PRKCE: variants seen among roughly 807,000 people sequenced by gnomAD.
PRKCE encodes the protein protein kinase C epsilon type.
PRKCE carries 16 observed loss-of-function variants against 85.4 expected under a neutral mutation model. That is an observed-to-expected ratio of 0.19 (90% CI 0.13 to 0.28). PRKCE has a LOEUF of 0.28. PRKCE is among the 10% of genes least tolerant of loss of function. The pLI is 1.00. For synonymous variants in PRKCE, 388 were observed against 371.5 expected, an observed-to-expected ratio of 1.04 and a Z score of -0.51; for missense variants, 573 against 975.2, an observed-to-expected ratio of 0.59 and a Z score of 5.49.
chr2:45,752,060 G>A lies in PRKCE; in HGVS notation c.349-90940G>A, dbSNP rs192366503. ...TCTCGATCTGCTGACCTCGTGATCC[G>A]CCCGCCTCGGCCTTCCAAAGTGCTG... On this transcript the variant is annotated intron_variant, in intron 1 of 14. Coordinates refer to ENST00000306156, the MANE Select transcript of PRKCE (RefSeq NM_005400.3). 6.5e-3 allele frequency among the ~76,000 whole-genome samples: 975 copies of A among 150,944 alleles called. 12 individuals carry two copies. Among genetic ancestry groups the A allele is most frequent in the African/African-American group, 0.022 (893 of 40,948 alleles).
At chr2:46,042,159 T>G (rs573157525) in intron 10 of PRKCE, among the ~76,000 whole-genome samples, 2 of 152,286 alleles carry the variant, frequency 1.3e-5, no homozygotes, top group South Asian at 4.1e-4. Flanking sequence ...TAGCAGTTTG[T>G]TAGGGAGCAG....
intron 11 of PRKCE, among the ~76,000 whole-genome samples, chr2:46,100,632 G>A (rs900735630): frequency 6.6e-6 from 1 of 152,146 alleles, no homozygotes; most frequent in Non-Finnish European, 1.5e-5. Context: ...ATCAGAAGGG[G>A]GTTTCTTTCT....
In PRKCE at chr2:46,184,432, CAA is replaced by C. The variant is rs773612511; in HGVS notation, c.2068-301_2068-300del. Among the ~76,000 whole-genome samples, 12 of 108,300 alleles carry C rather than the reference CAA, an allele frequency of 1.1e-4. 1 individual carries two copies. The East Asian group carries it at 3.0e-3, about 27-fold the overall frequency. The allele number at this position is 108,300 out of a possible 152,430, so 71.0% of individuals were successfully genotyped here. A position where few individuals can be genotyped will look rare whatever the true frequency, so the allele number is the denominator to read the frequency against. On this transcript the variant is annotated intron_variant, in intron 14 of 14. Coordinates refer to ENST00000306156, the MANE Select transcript of PRKCE (RefSeq NM_005400.3). The surrounding 1 kb of genome is among the most constrained non-coding windows in gnomAD (Gnocchi z 5.0). ...ATGGGACCTTTGCATCATACACACA[CAA>C]ACACACACACACACACACACACACA...
In PRKCE at chr2:45,942,934, C is replaced by T. The variant is rs1484393972; in HGVS notation, c.413-33495C>T. Among the ~76,000 whole-genome samples, 3 of 152,260 alleles carry T rather than the reference C, an allele frequency of 2.0e-5. No individual in the cohort carries two copies. The South Asian group carries it at 6.2e-4, about 32-fold the overall frequency. On this transcript the variant is annotated intron_variant, in intron 2 of 14. Coordinates refer to ENST00000306156, the MANE Select transcript of PRKCE (RefSeq NM_005400.3). ...AAAGTATAAAAGAAAAGTTGTCCCC[C>T]CAACCTCTTATTCTCCACTCCCCAG...
Position 45,958,190 on chromosome 2 carries a change from CA to C in PRKCE, c.413-18216del, listed in dbSNP as rs60711691. Among the ~76,000 whole-genome samples, 677 of 109,992 alleles carry C rather than the reference CA, an allele frequency of 6.2e-3. 5 individuals carry two copies. The highest frequency in any genetic ancestry group is 0.024 in the East Asian group (87 of 3,650). 72.2% of individuals were successfully genotyped at this position (109,992 alleles called of 152,430 possible). A position where few individuals can be genotyped will look rare whatever the true frequency, so the allele number is the denominator to read the frequency against. ...TAATAAACCTAATCTATTAGGCCCG[CA>C]AAAAAAAAAAAAAAAAAAAAAAGAA... On this transcript the variant is annotated intron_variant, in intron 2 of 14. Coordinates refer to ENST00000306156, the MANE Select transcript of PRKCE (RefSeq NM_005400.3).
At position 46,160,974 on chromosome 2, in the gene PRKCE, G is replaced by C. The variant is rs141815792; in HGVS notation, c.2067+1222G>C. On this transcript the variant is annotated intron_variant, in intron 14 of 14. Coordinates refer to ENST00000306156, the MANE Select transcript of PRKCE (RefSeq NM_005400.3). ...TTGGTCCCGTTACCACTCCTCATTC[G>C]CTTCCTCCTTTGGTTTTCATGTTTT... 4.6e-3 allele frequency among the ~76,000 whole-genome samples: 694 copies of C among 152,298 alleles called. 1 individual carries two copies. The highest frequency in any genetic ancestry group is 7.9e-3 in the Non-Finnish European group (540 of 68,030).
chr2:46,063,049 TTTA>T (rs775985586), intron 10 of PRKCE, among the ~76,000 whole-genome samples: 4 of 152,240 alleles, frequency 2.6e-5, no homozygotes, highest in Non-Finnish European at 4.4e-5. Flanking sequence ...AGCTGATCAT[TTTA>T]TTCTCCATCT....
chr2:46,012,994 A>T (rs764468164), intron 10 of PRKCE, among the ~76,000 whole-genome samples: 2 of 152,188 alleles, frequency 1.3e-5, no homozygotes, highest in Admixed American at 6.5e-5. Flanking sequence ...GGCCACTGTC[A>T]GGCAGCCACA....
At chr2:46,117,487 G>A (rs17034553) in intron 11 of PRKCE, among the ~76,000 whole-genome samples, 3,742 of 152,196 alleles carry the variant, frequency 0.025, 140 homozygotes, top group African/African-American at 0.085. Context: ...TCTACATGAG[G>A]TCCAGAAATC....
At position 45,895,898 on chromosome 2, in the gene PRKCE, G is replaced by A. The variant is rs998549744; in HGVS notation, c.412+52835G>A. ...CAGGCAAGGGGCTCCCAGAGGAGTT[G>A]GTGTCTGGGCTGTGGCTGAAGTTCA... On this transcript the variant is annotated intron_variant, in intron 2 of 14. Transcript: ENST00000306156. The surrounding 1 kb of genome is among the most constrained non-coding windows in gnomAD (Gnocchi z 4.8). Among the ~76,000 whole-genome samples the A allele has an allele frequency of 1.3e-5, 2 of 152,170 alleles. No individual in the cohort carries two copies. Among genetic ancestry groups the A allele is most frequent in the Non-Finnish European group, 1.5e-5 (1 of 68,030 alleles).
At position 45,961,511 on chromosome 2, in the gene PRKCE, G is replaced by A. The variant is rs868147573; in HGVS notation, c.413-14918G>A. Among the ~76,000 whole-genome samples the A allele has an allele frequency of 2.2e-4, 34 of 152,286 alleles. No homozygotes were observed. In the Middle Eastern group the frequency reaches 0.014, roughly 61 times the overall value. On this transcript the variant is annotated intron_variant, in intron 2 of 14. Coordinates refer to ENST00000306156, the MANE Select transcript of PRKCE (RefSeq NM_005400.3). The stretch of plus-strand genomic sequence containing the variant: ...CTTGTTATTTGTTTGAGGGGGGAAT[G>A]TCCCATTTCACTTGGCACATTTCAC...
chr2:45,738,998 G>C (rs1682321976), intron 1 of PRKCE, among the ~76,000 whole-genome samples: 1 of 152,222 alleles, frequency 6.6e-6, no homozygotes, highest in African/African-American at 2.4e-5. Context: ...TGGAAGCAAA[G>C]TGGGATGACA....
intron 10 of PRKCE, among the ~76,000 whole-genome samples, chr2:46,059,035 C>T (rs868571362): frequency 6.6e-6 from 1 of 152,190 alleles, no homozygotes; most frequent in African/African-American, 2.4e-5. Context: ...AAAGATCATT[C>T]AGGCTGGTTG....
rs915550255 is a variant in PRKCE, at chr2:45,886,270, A to G, written c.412+43207A>G. Reference sequence around the variant, plus strand: ...CATTTCCTCTCTGTCAACTGTCCCAATTCCTAACCCACTCCCACTCTGAGC... The same window carrying G: ...CATTTCCTCTCTGTCAACTGTCCCAGTTCCTAACCCACTCCCACTCTGAGC... On this transcript the variant is annotated intron_variant, in intron 2 of 14. Coordinates refer to ENST00000306156, the MANE Select transcript of PRKCE (RefSeq NM_005400.3). Among the ~76,000 whole-genome samples, 7 of 152,214 alleles carry G rather than the reference A, an allele frequency of 4.6e-5. No individual in the cohort carries two copies. In the South Asian group the frequency reaches 8.3e-4, roughly 18 times the overall value.
At chr2:46,100,821 G>C (rs12477409) in intron 11 of PRKCE, among the ~76,000 whole-genome samples, 99,953 of 152,040 alleles carry the variant, frequency 0.66, 35,839 homozygotes, top group East Asian at 0.97. Flanking sequence ...TCTGTCTCTA[G>C]CTTCTTTCTG....
intron 2 of PRKCE, among the ~76,000 whole-genome samples, chr2:45,852,729 A>G (rs1304962205): frequency 6.6e-6 from 1 of 152,220 alleles, no homozygotes; most frequent in African/African-American, 2.4e-5. Context: ...GATAATAAAA[A>G]TGTTCAAGCC....
At chr2:46,010,825 G>A (rs751131166) in intron 10 of PRKCE, 13 of 1,561,796 alleles carry the variant, frequency 8.3e-6, no homozygotes, top group African/African-American at 1.3e-5. Flanking sequence ...GTTAGTCCTT[G>A]CTCTGCTCCT....
intron 10 of PRKCE, among the ~76,000 whole-genome samples, chr2:46,038,374 G>C (rs1215329410): frequency 6.6e-6 from 1 of 151,936 alleles, no homozygotes; most frequent in East Asian, 1.9e-4. Flanking sequence ...AGTTTTCCCC[G>C]ATCTTATCAT....
chr2:45,951,732 CCT>C (rs1410238745), intron 2 of PRKCE, among the ~76,000 whole-genome samples: 2 of 152,252 alleles, frequency 1.3e-5, no homozygotes, highest in Admixed American at 1.3e-4. Flanking sequence ...CACACCTCAT[CCT>C]CTGAGTTTGT....
Sources: gnomAD v4.1 joint callset for allele counts (sites outside exome capture counted in the v4.1 genomes callset) on GRCh38, gnomAD v4.1.1 for gene constraint, Gnocchi (gnomAD v3.1) non-coding constraint, MANE v1.5 for transcripts, NCBI Gene and HGNC (gene_info 2026-07-23, HGNC 2026-07-21) for gene names.